Variants in GRID1 observed in about 807,000 individuals in gnomAD.
GRID1 encodes the protein glutamate receptor ionotropic, delta-1.
A neutral mutation model predicts 98.0 loss-of-function variants in GRID1; 28 were observed. The ratio of observed to expected loss-of-function variants is 0.29; its 90% CI spans 0.21 to 0.39. GRID1 has a LOEUF of 0.39. GRID1 is among the 10% of genes least tolerant of loss of function. GRID1 has a pLI of 1.00. For missense variants in GRID1, 1,111 were observed against 1,340.5 expected (o/e 0.83, Z 2.67); for synonymous variants, 553 against 538.5 (o/e 1.03, Z -0.37).
rs533987984 is a variant in GRID1, at chr10:85,957,491, T to G, written c.727-41252A>C. Among the ~76,000 whole-genome samples, 114 of 152,208 alleles carry G rather than the reference T, an allele frequency of 7.5e-4. 1 individual carries two copies. The highest frequency in any genetic ancestry group is 1.4e-3 in the Non-Finnish European group (94 of 68,010). Reference sequence around the variant, plus strand: ...AGTTAAGAAGGCATATCTGGCCCCTTTGGCTTCTGTAAATGGGATAATCCC... The same window carrying G: ...AGTTAAGAAGGCATATCTGGCCCCTGTGGCTTCTGTAAATGGGATAATCCC... On this transcript the variant is annotated intron_variant, in intron 4 of 15. Coordinates refer to ENST00000327946, the MANE Select transcript of GRID1 (RefSeq NM_017551.3).
chr10:86,103,344 T>A (rs1844327265), intron 4 of GRID1, among the ~76,000 whole-genome samples: 1 of 152,184 alleles, frequency 6.6e-6, no homozygotes, highest in Non-Finnish European at 1.5e-5. Context: ...ATCAATTCCC[T>A]ATAGGGCCCA....
intron 2 of GRID1, among the ~76,000 whole-genome samples, chr10:86,327,917 G>C (rs1848075340): frequency 1.3e-5 from 2 of 152,126 alleles, no homozygotes; most frequent in South Asian, 4.2e-4. Flanking sequence ...CCACAACTTA[G>C]AGTCCACCTA....
At chr10:85,740,664 G>C (rs1324626868) in intron 8 of GRID1, among the ~76,000 whole-genome samples, 1 of 151,936 alleles carries the variant, frequency 6.6e-6, no homozygotes, top group East Asian at 1.9e-4. Flanking sequence ...GTCTCCCTTG[G>C]GTGAGCCCAT....
intron 2 of GRID1, among the ~76,000 whole-genome samples, chr10:86,209,739 G>A (rs776759304): frequency 7.2e-5 from 11 of 152,046 alleles, no homozygotes; most frequent in Non-Finnish European, 1.3e-4. Context: ...ATGCTCAATT[G>A]TGGAATTGTC....
At chr10:85,636,478 G>A (rs572684081) in intron 13 of GRID1, among the ~76,000 whole-genome samples, 92 of 152,256 alleles carry the variant, frequency 6.0e-4, no homozygotes, top group Middle Eastern at 3.4e-3. Flanking sequence ...AAACATTCAT[G>A]ATCTTATTCA....
At chr10:85,941,425 G>A (rs1841996138) in intron 4 of GRID1, among the ~76,000 whole-genome samples, 1 of 152,184 alleles carries the variant, frequency 6.6e-6, no homozygotes, top group Admixed American at 6.5e-5. Flanking sequence ...TATATGCTGT[G>A]AACATATATG....
At position 86,219,351 on chromosome 10, in the gene GRID1, C is replaced by T. The variant is rs776469799; in HGVS notation, c.236-12703G>A. ...TGCCCACCCTCCAGTGTGAGTTCAA[C>T]GCTGCCAACTGCCCAATGGCCCTTA... On this transcript the variant is annotated intron_variant, in intron 2 of 15. Transcript: ENST00000327946. 4.6e-5 allele frequency among the ~76,000 whole-genome samples: 7 copies of T among 152,162 alleles called. No homozygotes were observed. In the East Asian group the frequency reaches 5.8e-4, roughly 13 times the overall value.
At chr10:85,965,112 G>T (rs1842320004) in intron 4 of GRID1, among the ~76,000 whole-genome samples, 1 of 152,200 alleles carries the variant, frequency 6.6e-6, no homozygotes. Flanking sequence ...AGTTAGAATG[G>T]CAATCATTGA....
chr10:85,672,216 G>T (rs1369702883), intron 12 of GRID1, among the ~76,000 whole-genome samples: 1 of 152,232 alleles, frequency 6.6e-6, no homozygotes, highest in Non-Finnish European at 1.5e-5. Flanking sequence ...TTTCTTGTTA[G>T]AAACTAGTGC....
rs907810193 is a variant in GRID1 at position 86,232,174 on chromosome 10, C to T, written c.236-25526G>A. Among the ~76,000 whole-genome samples, 5 of 152,128 alleles carry T rather than the reference C, an allele frequency of 3.3e-5. No homozygotes were observed. In the East Asian group the frequency reaches 5.8e-4, roughly 18 times the overall value. On this transcript the variant is annotated intron_variant, in intron 2 of 15. Transcript: ENST00000327946. ...ATGAGAATAGCGCATCCCAATCCCA[C>T]GAGGAAGAAAACTGGGAGGCCAGGG... is the stretch of plus-strand genomic sequence containing the variant.
In GRID1 at chr10:85,855,694, G is replaced by C. The variant is rs559603409; in HGVS notation, c.1113+335C>G. 2.7e-3 allele frequency among the ~76,000 whole-genome samples: 414 copies of C among 152,302 alleles called. 2 individuals are homozygous for C. The highest frequency in any genetic ancestry group is 6.8e-3 in the Middle Eastern group (2 of 294). On this transcript the variant is annotated intron_variant, in intron 7 of 15. Coordinates refer to ENST00000327946, the MANE Select transcript of GRID1 (RefSeq NM_017551.3). Reference sequence around the variant, plus strand: ...ACATACAGGTGCACTCGTTTCTTGGGGAGTGGTGTTCTGCATAGAGGGGTA... The same window carrying C: ...ACATACAGGTGCACTCGTTTCTTGGCGAGTGGTGTTCTGCATAGAGGGGTA...
chr10:86,118,803 C>T (rs1844624431), intron 4 of GRID1, among the ~76,000 whole-genome samples: 1 of 152,164 alleles, frequency 6.6e-6, no homozygotes, highest in Non-Finnish European at 1.5e-5. Context: ...TCTTCCTTCC[C>T]AAACCCATAA....
At chr10:86,077,209 G>A (rs1045830904) in intron 4 of GRID1, among the ~76,000 whole-genome samples, 3 of 136,526 alleles carry the variant, frequency 2.2e-5, no homozygotes, top group Admixed American at 7.2e-5. Flanking sequence ...AAGCTTGCTC[G>A]TTCCTTTTGT....
intron 3 of GRID1, among the ~76,000 whole-genome samples, chr10:86,174,614 T>C (rs987469664): frequency 1.2e-4 from 19 of 152,156 alleles, no homozygotes; most frequent in South Asian, 4.2e-4. Flanking sequence ...CCAAAAGCAA[T>C]GGCAACAAAA....
At chr10:86,151,885 G>C (rs1346367075) in intron 3 of GRID1, among the ~76,000 whole-genome samples, 1 of 152,206 alleles carries the variant, frequency 6.6e-6, no homozygotes, top group Non-Finnish European at 1.5e-5. Context: ...GTGACAGGCT[G>C]ATGGGACTGC....
At chr10:85,792,658 C>T (rs551734941) in intron 8 of GRID1, among the ~76,000 whole-genome samples, 2 of 152,184 alleles carry the variant, frequency 1.3e-5, no homozygotes, top group Non-Finnish European at 2.9e-5. Flanking sequence ...TCCAAGCACC[C>T]AGATCCATGG....
At chr10:85,681,964 CTG>C (rs976637977) in intron 12 of GRID1, among the ~76,000 whole-genome samples, 4 of 151,994 alleles carry the variant, frequency 2.6e-5, no homozygotes, top group Non-Finnish European at 5.9e-5. Context: ...CCAGCAAACA[CTG>C]AGAGAGCACC....
intron 4 of GRID1, among the ~76,000 whole-genome samples, chr10:86,084,119 C>T (rs1429966817): frequency 1.3e-5 from 2 of 152,106 alleles, no homozygotes; most frequent in Non-Finnish European, 2.9e-5. Flanking sequence ...TCCCTCGGGA[C>T]TCACAAAGCA....
chr10:85,692,532 G>A (rs995630293), intron 12 of GRID1, among the ~76,000 whole-genome samples: 3 of 151,770 alleles, frequency 2.0e-5, no homozygotes, highest in Non-Finnish European at 4.4e-5. Context: ...TTGTGATGGC[G>A]TGTGCCTGTG....
Sources: allele counts gnomAD v4.1 joint callset (sites outside exome capture counted in the v4.1 genomes callset), GRCh38; gene constraint gnomAD v4.1.1; transcripts MANE v1.5; gene names NCBI Gene and HGNC (gene_info 2026-07-23, HGNC 2026-07-21).